The following STAT5B variants were observed in gnomAD, a reference collection of about 807,000 sequenced individuals.
STAT5B encodes the protein transcription factor STAT5B.
A neutral mutation model predicts 107.8 loss-of-function variants in STAT5B; 21 were observed. The ratio of observed to expected loss-of-function variants is 0.19; its 90% CI spans 0.14 to 0.28. The LOEUF is 0.28. Ranked by LOEUF, STAT5B falls within the 10% of genes least tolerant of loss-of-function variation. The pLI, the probability that STAT5B is intolerant of heterozygous loss-of-function variation, is 1.00. For missense variants in STAT5B, 565 were observed against 1,008.2 expected, an observed-to-expected ratio of 0.56 and a Z score of 5.95; for synonymous variants, 325 against 401.7, an observed-to-expected ratio of 0.81 and a Z score of 2.28.
At chr17:42,210,698 T>G in intron 13 of STAT5B, 284 of 525,062 alleles carry the variant, frequency 5.4e-4, no homozygotes, top group East Asian at 1.3e-3. Flanking sequence ...CAAACTGCAG[T>G]TACCAGCACC....
chr17:42,218,275 C>T lies in STAT5B; in HGVS notation c.1045G>A (p.Ala349Thr), dbSNP rs1377455271. 1 of 1,614,052 alleles carries T rather than the reference C, an allele frequency of 6.2e-7. No homozygotes were observed. Among genetic ancestry groups the T allele is most frequent in the Admixed American group, 1.7e-5 (1 of 59,992 alleles). The change falls in exon 9 of 19, where the codon GCA becomes ACA. Residue 349 changes from alanine to threonine, a missense_variant. Ala to Thr is a moderately conservative substitution (Grantham distance 58, BLOSUM62 0). Coordinates refer to ENST00000293328, the MANE Select transcript of STAT5B (RefSeq NM_012448.4). ...PQVLKTQTKF[A>T]ATVRLLVGGK... ...CCCACCAGCAGGCGCACAGTGGCTG[C>T]AAACTTGGTCTGGGTCTTCAGGACC... is the stretch of plus-strand genomic sequence containing the variant.
chr17:42,217,778 C>T (rs1249080684), intron 9 of STAT5B: 1 of 447,790 alleles, frequency 2.2e-6, no homozygotes, highest in East Asian at 4.8e-5. Flanking sequence ...AATCTCAGCT[C>T]ACTGCAATCT....
upstream of STAT5B, among the ~76,000 whole-genome samples, chr17:42,277,802 C>A (rs2080777071): frequency 6.7e-6 from 1 of 149,028 alleles, no homozygotes; most frequent in African/African-American, 2.5e-5. Flanking sequence ...GTTGCCCAGG[C>A]TGGAGTGAAA....
Position 42,201,869 on chromosome 17 carries a change from G to A in STAT5B, c.2238-5C>T, listed in dbSNP as rs2080047148. On this transcript the variant is annotated splice_polypyrimidine_tract_variant and splice_region_variant and intron_variant, in intron 18 of 18. Transcript: ENST00000293328. The stretch of plus-strand genomic sequence containing the variant: ...GTGTCAAGGACTGAGTCAGGGCTTG[G>A]GAGGGAAAGAAGAGGGATGAAGGGA... The A allele has an allele frequency of 6.2e-7, 1 of 1,613,746 alleles. No individual in the cohort carries two copies. Among genetic ancestry groups the A allele is most frequent in the Non-Finnish European group, 8.5e-7 (1 of 1,179,876 alleles).
Position 42,202,388 on chromosome 17 carries a change from G to A in STAT5B, c.2189C>T (p.Pro730Leu). The A allele has an allele frequency of 1.9e-6, 3 of 1,614,260 alleles. No individual in the cohort carries two copies. Among genetic ancestry groups the A allele is most frequent in the Non-Finnish European group, 2.5e-6 (3 of 1,180,036 alleles). Residue 730 changes from proline (P) to leucine (L), a missense_variant, in exon 18 of 19, where the codon CCC (proline) becomes CTC (leucine). Pro to Leu is a moderately conservative substitution (Grantham distance 98, BLOSUM62 -3). Around this residue, in one of 11 missense-constraint regions of STAT5B, gnomAD observed 76 missense variants for 110.2 expected, o/e 0.69. Coordinates refer to ENST00000293328, the MANE Select transcript of STAT5B (RefSeq NM_012448.4). ...GGSATYMDQA[P>L]SPAVCPQAHY... ...AGCCTGGGGACACACAGCTGGGGAG[G>A]GGGCCTGGTCCATGTACGTGGCGCT...
chr17:42,212,308 C>T, intron 12 of STAT5B, 118 bp from the exon 13 acceptor site: 1 of 1,525,498 alleles, frequency 6.6e-7, no homozygotes, highest in Non-Finnish European at 8.9e-7. Context: ...CTTGCAGGGC[C>T]TGAGGATAAA....
intron 1 of STAT5B, among the ~76,000 whole-genome samples, chr17:42,238,136 ATCCATCCATCCAT>A (rs1567667738): frequency 1.5e-5 from 2 of 133,104 alleles, no homozygotes; most frequent in African/African-American, 5.6e-5. Context: ...CCATCCATCC[ATCCATCCATCCAT>A]CCGAGACAGG....
In STAT5B at chr17:42,220,766, G is replaced by A. The variant is rs980471524; in HGVS notation, c.551-924C>T. On this transcript the variant is annotated intron_variant, in intron 5 of 18. Transcript: ENST00000293328. ...AGTCTCATTGATGGCGGGACAGGGAGTAAGTTAGGCCTCATTACCTTTTAA... is the reference window on the plus strand; with the variant it reads ...AGTCTCATTGATGGCGGGACAGGGAATAAGTTAGGCCTCATTACCTTTTAA... Among the ~76,000 whole-genome samples, 97 of 152,274 alleles carry A rather than the reference G, an allele frequency of 6.4e-4. 1 individual carries two copies. The highest frequency in any genetic ancestry group is 1.1e-3 in the African/African-American group (45 of 41,522).
At chr17:42,262,751 TATGTGTGTATATATATAC>T (rs2080610931) in intron 1 of STAT5B, among the ~76,000 whole-genome samples, 1 of 123,964 alleles carries the variant, frequency 8.1e-6, no homozygotes, top group Non-Finnish European at 1.8e-5. Flanking sequence ...TGTGTATATA[TATGTGTGTATATATATAC>T]ATATATGTAT....
chr17:42,262,908 G>C (rs182315115), intron 1 of STAT5B, among the ~76,000 whole-genome samples: 1 of 109,772 alleles, frequency 9.1e-6, no homozygotes, highest in Admixed American at 1.0e-4. Flanking sequence ...ATATATATGT[G>C]TATATATATG....
chr17:42,250,204 G>A (rs570821121), intron 1 of STAT5B, among the ~76,000 whole-genome samples: 1 of 152,296 alleles, frequency 6.6e-6, no homozygotes, highest in African/African-American at 2.4e-5. Flanking sequence ...TAACTCGTTA[G>A]TTTCAGGTTG....
At chr17:42,244,273 T>TA (rs1598324179) in intron 1 of STAT5B, among the ~76,000 whole-genome samples, 3 of 149,832 alleles carry the variant, frequency 2.0e-5, no homozygotes, top group South Asian at 4.3e-4. Context: ...TTTTTTTTTT[T>TA]AGAGATGGGG....
chr17:42,215,970 C>T, intron 12 of STAT5B, 44 bp downstream of exon 12: 2 of 1,590,790 alleles, frequency 1.3e-6, no homozygotes, highest in Non-Finnish European at 1.7e-6. Flanking sequence ...ATTCATGACA[C>T]CGGCATTGAT....
intron 15 of STAT5B, 70 bp from the exon 16 acceptor site, chr17:42,207,798 A>G (rs1825653224): frequency 6.6e-7 from 1 of 1,525,696 alleles, no homozygotes; most frequent in Non-Finnish European, 9.0e-7. Context: ...AAACCCCAAC[A>G]TACTATAAAT....
intron 1 of STAT5B, among the ~76,000 whole-genome samples, chr17:42,241,157 G>A (rs1238838560): frequency 1.3e-5 from 2 of 151,710 alleles, no homozygotes; most frequent in Non-Finnish European, 2.9e-5. Context: ...TGACCAACAT[G>A]GAGAAACCCT....
At chr17:42,286,164 T>C in the STAT5B span, among the ~76,000 whole-genome samples, 1 of 129,316 alleles carries the variant, frequency 7.7e-6, no homozygotes, top group Non-Finnish European at 1.5e-5. Context: ...ACCTTGGAGG[T>C]GGAGGTTGCT....
At chr17:42,237,975 CG>C (rs1186006142) in intron 1 of STAT5B, among the ~76,000 whole-genome samples, 1 of 152,106 alleles carries the variant, frequency 6.6e-6, no homozygotes, top group Non-Finnish European at 1.5e-5. Flanking sequence ...CTTACAAAAC[CG>C]GCTTCTTTCT....
chr17:42,247,578 G>A (rs1312784215), intron 1 of STAT5B, among the ~76,000 whole-genome samples: 1 of 152,076 alleles, frequency 6.6e-6, no homozygotes, highest in African/African-American at 2.4e-5. Context: ...CAAGTTGTGG[G>A]GTGTCCTACT....
At chr17:42,263,871 GCACACACACACACACACACACACACACA>G (rs3222522) in intron 1 of STAT5B, among the ~76,000 whole-genome samples, 1 of 144,936 alleles carries the variant, frequency 6.9e-6, no homozygotes, top group Non-Finnish European at 1.5e-5. Context: ...TAGAAAGCGC[GCACACACACACACACACACACACACACA>G]CACACACACA....
Sources: gnomAD v4.1 joint callset for allele counts (sites outside exome capture counted in the v4.1 genomes callset) on GRCh38, gnomAD v4.1.1 for gene constraint, gnomAD v4.1.1 regional missense constraint, MANE v1.5 for transcripts, NCBI Gene and HGNC (gene_info 2026-07-23, HGNC 2026-07-21) for gene names.